The following TFCP2L1 variants were observed in gnomAD, a reference collection of about 807,000 sequenced individuals.
TFCP2L1 encodes transcription factor CP2-like protein 1.
Under a neutral mutation model 72.2 loss-of-function variants are expected in TFCP2L1, and 12 were observed. That is an observed-to-expected ratio of 0.17 (90% confidence interval 0.11 to 0.27). The LOEUF (loss-of-function observed/expected upper bound fraction) is 0.27, where lower values mean the gene tolerates loss of function less well. Ranked by LOEUF, TFCP2L1 falls within the 10% of genes least tolerant of loss-of-function variation. The probability of loss-of-function intolerance (pLI) is 1.00; values close to 1 mark genes in which losing one functional copy is unlikely to be tolerated. For synonymous variants in TFCP2L1, 260 were observed against 251.0 expected, an observed-to-expected ratio of 1.04 and a Z score of -0.34; for missense variants, 488 against 624.6, an observed-to-expected ratio of 0.78 and a Z score of 2.33.
intron 5 of TFCP2L1, 90 bp downstream of exon 5, chr2:121,248,074 C>A: frequency 1.9e-6 from 2 of 1,057,810 alleles, no homozygotes; most frequent in African/African-American, 1.6e-5. Context: ...CTCATCCAGA[C>A]CCTCCCAGAT....
intron 1 of TFCP2L1, among the ~76,000 whole-genome samples, chr2:121,283,641 T>C (rs771873757): frequency 6.6e-6 from 1 of 152,224 alleles, no homozygotes; most frequent in Non-Finnish European, 1.5e-5. Context: ...AATTGTTCCC[T>C]AACGGGGTGA....
At chr2:121,268,394 C>T (rs975515825) in intron 2 of TFCP2L1, among the ~76,000 whole-genome samples, 2 of 152,098 alleles carry the variant, frequency 1.3e-5, no homozygotes, top group South Asian at 4.2e-4. Context: ...CTCACTGTTA[C>T]CCAGGCTGGA....
chr2:121,268,639 A>C (rs1686982028), intron 2 of TFCP2L1, among the ~76,000 whole-genome samples: 1 of 151,916 alleles, frequency 6.6e-6, no homozygotes, highest in South Asian at 2.1e-4. Flanking sequence ...ATTTTACAGA[A>C]AATGCAGTTG....
chr2:121,233,077 C>A (rs751481239), intron 12 of TFCP2L1, among the ~76,000 whole-genome samples: 1 of 152,196 alleles, frequency 6.6e-6, no homozygotes, highest in Admixed American at 6.5e-5. Context: ...CAGCACTCTG[C>A]GTGGCCAAGG....
intron 13 of TFCP2L1, among the ~76,000 whole-genome samples, chr2:121,229,806 A>G (rs901125399): frequency 5.3e-5 from 8 of 152,234 alleles, no homozygotes; most frequent in Admixed American, 6.5e-5. Flanking sequence ...CCCCAAAGTC[A>G]TTCAGCAACT....
chr2:121,232,017 G>A, intron 12 of TFCP2L1, 49 bp from the exon 13 acceptor site: 1 of 1,535,016 alleles, frequency 6.5e-7, no homozygotes, highest in East Asian at 2.4e-5. Flanking sequence ...CATTCTGTCA[G>A]TGTGAGCCTC....
chr2:121,233,687 T>A (rs1686188923), intron 12 of TFCP2L1, among the ~76,000 whole-genome samples: 1 of 152,266 alleles, frequency 6.6e-6, no homozygotes, highest in South Asian at 2.1e-4. Context: ...GAGTGCTCGG[T>A]GGGAGCAGGA....
chr2:121,264,338 G>C (rs1008557791), intron 2 of TFCP2L1, among the ~76,000 whole-genome samples: 1 of 152,144 alleles, frequency 6.6e-6, no homozygotes, highest in African/African-American at 2.4e-5. Context: ...TCATACCCAG[G>C]GTATCTAAGG....
intron 3 of TFCP2L1, among the ~76,000 whole-genome samples, chr2:121,249,326 C>G (rs930169503): frequency 1.3e-5 from 2 of 152,144 alleles, no homozygotes; most frequent in African/African-American, 4.8e-5. Flanking sequence ...CGTTATTAAC[C>G]CTTTTGTGCA....
In TFCP2L1 at chr2:121,242,473, C is replaced by T. The variant is rs1250327833; in HGVS notation, c.658-4G>A. 8 of 1,613,782 alleles carry T rather than the reference C, an allele frequency of 5.0e-6. No homozygotes were observed. Among genetic ancestry groups the T allele is most frequent in the South Asian group, 3.3e-5 (3 of 91,074 alleles). On this transcript the variant is annotated splice_polypyrimidine_tract_variant and splice_region_variant and intron_variant, in intron 6 of 14. Transcript: ENST00000263707. The stretch of plus-strand genomic sequence containing the variant: ...GTTTCCGATCGGCTCCCTTCGGCTG[C>T]GAGCAGAGTACAGAGTCCAATCAGC...
intron 1 of TFCP2L1, among the ~76,000 whole-genome samples, chr2:121,283,806 T>C (rs562320694): frequency 1.3e-5 from 2 of 152,338 alleles, no homozygotes; most frequent in African/African-American, 4.8e-5. Context: ...AAAAATGTAT[T>C]CCATTGTAGC....
chr2:121,235,524 C>A (rs1686228374), intron 10 of TFCP2L1, among the ~76,000 whole-genome samples: 1 of 151,744 alleles, frequency 6.6e-6, no homozygotes, highest in African/African-American at 2.4e-5. Context: ...ACAACAGAAG[C>A]CAATAGGTCC....
intron 2 of TFCP2L1, among the ~76,000 whole-genome samples, chr2:121,273,565 C>T (rs1474699505): frequency 6.6e-6 from 1 of 152,192 alleles, no homozygotes; most frequent in Non-Finnish European, 1.5e-5. Context: ...CTATGAAACA[C>T]ACATGTCCAA....
At chr2:121,237,972 G>A in intron 8 of TFCP2L1, 122 bp from the exon 9 acceptor site, 1 of 1,015,150 alleles carries the variant, frequency 9.9e-7, no homozygotes, top group Non-Finnish European at 1.5e-6. Flanking sequence ...TAAGTGAAAT[G>A]AGTCCTCAAG....
intron 13 of TFCP2L1, among the ~76,000 whole-genome samples, chr2:121,226,156 G>A (rs1426586423): frequency 2.0e-5 from 3 of 151,884 alleles, no homozygotes; most frequent in Admixed American, 6.6e-5. Flanking sequence ...CTACACACAC[G>A]GGAATGCGGT....
At chr2:121,279,525 C>T (rs1687213354) in intron 2 of TFCP2L1, among the ~76,000 whole-genome samples, 1 of 152,188 alleles carries the variant, frequency 6.6e-6, no homozygotes, top group Admixed American at 6.5e-5. Context: ...TCCACTGCGG[C>T]CCCTCCACAA....
At chr2:121,259,598 AT>A (rs1427757270) in intron 2 of TFCP2L1, among the ~76,000 whole-genome samples, 2 of 152,242 alleles carry the variant, frequency 1.3e-5, no homozygotes, top group Non-Finnish European at 2.9e-5. Context: ...TTAAAAAATA[AT>A]TTTAAAATTA....
chr2:121,231,675 A>C (rs1686146038), intron 13 of TFCP2L1, 151 bp downstream of exon 13: 4 of 1,199,238 alleles, frequency 3.3e-6, no homozygotes, highest in Non-Finnish European at 4.6e-6. Flanking sequence ...AGCACTCTCC[A>C]TCGCAGCCCC....
Position 121,228,430 on chromosome 2 carries a change from A to C in TFCP2L1, c.1342-2817T>G, listed in dbSNP as rs372393412. On this transcript the variant is annotated intron_variant, in intron 13 of 14. Transcript: ENST00000263707. ...TCTCAGGTTAGGAACCTCAGGCTTC[A>C]TTTTCCTCCTCCGTAAAATAGGAGT... Among the ~76,000 whole-genome samples the C allele has an allele frequency of 3.5e-4, 53 of 149,340 alleles. 3 individuals carry two copies. The South Asian group carries it at 0.011, about 30-fold the overall frequency.
Sources: gnomAD v4.1 joint callset for allele counts (sites outside exome capture counted in the v4.1 genomes callset) on GRCh38, gnomAD v4.1.1 for gene constraint, MANE v1.5 for transcripts, NCBI Gene and HGNC (gene_info 2026-07-23, HGNC 2026-07-21) for gene names.